Variants in NAV2 observed in about 807,000 individuals in gnomAD.
The protein encoded by NAV2 is neuron navigator 2.
A neutral mutation model predicts 223.2 loss-of-function variants in NAV2; 54 were observed. The ratio of observed to expected loss-of-function variants is 0.24; its 90% CI spans 0.19 to 0.30. The LOEUF (loss-of-function observed/expected upper bound fraction) is 0.30. Ranked by LOEUF, NAV2 falls within the 10% of genes least tolerant of loss-of-function variation. The pLI is 1.00. For synonymous variants in NAV2, 1,279 were observed against 1,239.3 expected (o/e 1.03, Z -0.67); for missense variants, 2,806 against 3,147.5 (o/e 0.89, Z 2.60).
At chr11:19,856,577 A>AT (rs1377352618) in intron 3 of NAV2, among the ~76,000 whole-genome samples, 15 of 152,216 alleles carry the variant, frequency 9.9e-5, no homozygotes, top group Non-Finnish European at 1.5e-4. Flanking sequence ...GATTGAGGTA[A>AT]TGTATGTGGA....
At position 20,045,555 on chromosome 11, in the gene NAV2, G is replaced by A. The variant is rs1419974810; in HGVS notation, c.3787G>A (p.Ala1263Thr). ...CATCTCATCAGACAACGAGAGTGTG[G>A]CTTCCTGTAACTCGGTGAAAGTGAA... is the stretch of plus-strand genomic sequence containing the variant. ...KGISSDNESV[A>T]SCNSVKVNPA... Residue 1263 changes from alanine (A) to threonine (T), a missense_variant, in exon 14 of 38, where the codon GCT becomes ACT. Around this residue, in one of 4 missense-constraint regions of NAV2, gnomAD observed 742 missense variants for 777.9 expected, o/e 0.95. Transcript: ENST00000349880. 2.0e-5 allele frequency: 33 copies of A among 1,614,046 alleles called. No homozygotes were observed. Among genetic ancestry groups the A allele is most frequent in the Non-Finnish European group, 2.7e-5 (32 of 1,180,032 alleles).
At chr11:19,752,933 C>T (rs1019268667) in intron 1 of NAV2, among the ~76,000 whole-genome samples, 12 of 152,010 alleles carry the variant, frequency 7.9e-5, no homozygotes, top group East Asian at 5.8e-4. Context: ...TGGGAGGTAA[C>T]GAGGTTGAGA....
chr11:20,011,781 G>T (rs1467170531), intron 11 of NAV2, among the ~76,000 whole-genome samples: 1 of 152,204 alleles, frequency 6.6e-6, no homozygotes, highest in South Asian at 2.1e-4. Context: ...CATTCTTAAT[G>T]GTCACACACA....
At chr11:20,041,359 T>C (rs929610593) in intron 12 of NAV2, among the ~76,000 whole-genome samples, 4 of 152,250 alleles carry the variant, frequency 2.6e-5, no homozygotes, top group Admixed American at 2.0e-4. Flanking sequence ...ATTGAGACTA[T>C]TAACTGTAAT....
intron 10 of NAV2, among the ~76,000 whole-genome samples, chr11:19,957,665 G>A (rs2047993722): frequency 6.6e-6 from 1 of 152,190 alleles, no homozygotes; most frequent in Admixed American, 6.5e-5. Flanking sequence ...CATCAGAGGA[G>A]AAAGAATAGC....
chr11:19,789,038 G>A (rs1053115034), intron 1 of NAV2, among the ~76,000 whole-genome samples: 2 of 152,146 alleles, frequency 1.3e-5, no homozygotes, highest in African/African-American at 2.4e-5. Flanking sequence ...GCCCCACTGA[G>A]AGGCATAAGA....
chr11:19,684,577 C>T (rs1473295966), intron 1 of NAV2, among the ~76,000 whole-genome samples: 1 of 152,120 alleles, frequency 6.6e-6, no homozygotes, highest in Non-Finnish European at 1.5e-5. Flanking sequence ...CTACTGCCTC[C>T]ACCATGGTAA....
At chr11:19,631,348 C>T (rs1433734889) in intron 1 of NAV2, among the ~76,000 whole-genome samples, 5 of 151,318 alleles carry the variant, frequency 3.3e-5, no homozygotes, top group Non-Finnish European at 7.4e-5. Flanking sequence ...TGAGTGAGAA[C>T]ATGCGGTGTT....
At chr11:19,795,620 A>G (rs896251682) in intron 1 of NAV2, among the ~76,000 whole-genome samples, 1 of 152,262 alleles carries the variant, frequency 6.6e-6, no homozygotes, top group East Asian at 1.9e-4. Flanking sequence ...AAGTAAGGCT[A>G]ACTCTTATTG....
chr11:19,810,534 G>A (rs1475310473), intron 1 of NAV2, among the ~76,000 whole-genome samples: 2 of 152,088 alleles, frequency 1.3e-5, no homozygotes, highest in Non-Finnish European at 2.9e-5. Flanking sequence ...ATTCCTTTAC[G>A]CTGACATGCT....
intron 22 of NAV2, among the ~76,000 whole-genome samples, chr11:20,075,208 TG>T (rs1316803570): frequency 0.011 from 1,148 of 107,910 alleles, 10 homozygotes; most frequent in African/African-American, 0.038. Context: ...CCATGTTTTT[TG>T]TTTTTTTGTT....
At chr11:19,370,927 T>C (rs1848447857) in intron 1 of NAV2, among the ~76,000 whole-genome samples, 2 of 152,208 alleles carry the variant, frequency 1.3e-5, no homozygotes, top group Non-Finnish European at 2.9e-5. Flanking sequence ...TTTTCTTGAT[T>C]GTTTGCTCCT....
At chr11:19,575,089 G>T (rs532023563) in intron 1 of NAV2, among the ~76,000 whole-genome samples, 2 of 152,360 alleles carry the variant, frequency 1.3e-5, no homozygotes, top group South Asian at 4.1e-4. Context: ...AGGGTTGGCT[G>T]CACTTAAGAT....
At chr11:19,520,218 A>C (rs1385661304) in intron 1 of NAV2, among the ~76,000 whole-genome samples, 1 of 152,174 alleles carries the variant, frequency 6.6e-6, no homozygotes, top group Non-Finnish European at 1.5e-5. Flanking sequence ...ATTGCGATGC[A>C]CTCATAAACA....
intron 11 of NAV2, among the ~76,000 whole-genome samples, chr11:20,004,626 C>G (rs1044044931): frequency 1.3e-5 from 2 of 152,184 alleles, no homozygotes; most frequent in African/African-American, 2.4e-5. Flanking sequence ...TAAATTCCCT[C>G]TCCCTCCCAG....
intron 1 of NAV2, among the ~76,000 whole-genome samples, chr11:19,610,140 TG>T (rs1189128205): frequency 6.6e-6 from 1 of 152,076 alleles, no homozygotes; most frequent in Non-Finnish European, 1.5e-5. Context: ...GGCTCATGGG[TG>T]GGGGTGACAG....
At chr11:19,897,899 T>TAAAGAGAAA (rs1591132053) in intron 6 of NAV2, among the ~76,000 whole-genome samples, 1 of 147,678 alleles carries the variant, frequency 6.8e-6, no homozygotes, top group East Asian at 2.2e-4. Context: ...TATATATATA[T>TAAAGAGAAA]ATATATGTGA....
At chr11:20,080,250 T>C (rs373149833) in intron 25 of NAV2, 41 bp downstream of exon 25, 23 of 1,588,858 alleles carry the variant, frequency 1.4e-5, no homozygotes, top group Non-Finnish European at 2.0e-5. Flanking sequence ...ACGGACAGAG[T>C]CAGTTGCAGA....
chr11:19,582,198 T>TCG (rs1234238243), intron 1 of NAV2, among the ~76,000 whole-genome samples: 4 of 152,228 alleles, frequency 2.6e-5, no homozygotes, highest in Non-Finnish European at 5.9e-5. Flanking sequence ...CTTCGCCCAC[T>TCG]TGTTGATGGG....
Sources: allele counts gnomAD v4.1 joint callset (sites outside exome capture counted in the v4.1 genomes callset), GRCh38; gene constraint gnomAD v4.1.1; regional missense constraint gnomAD v4.1.1; transcripts MANE v1.5; gene names NCBI Gene and HGNC (gene_info 2026-07-23, HGNC 2026-07-21).